NCOA7: variants seen among roughly 807,000 people sequenced by gnomAD.
The protein encoded by NCOA7 is nuclear receptor coactivator 7, also known as 140 kDa estrogen receptor-associated protein.
NCOA7 carries 45 observed loss-of-function variants against 104.3 expected under a neutral mutation model. The observed-to-expected ratio is 0.43, with a 90% CI of 0.34 to 0.55. The LOEUF (loss-of-function observed/expected upper bound fraction) is 0.55, where lower values mean the gene tolerates loss of function less well. Among genes scored for constraint, NCOA7 ranks in the 20% least tolerant of loss-of-function variants. The probability of loss-of-function intolerance (pLI) is 0.02; values close to 1 mark genes in which losing one functional copy is unlikely to be tolerated. For synonymous variants in NCOA7, 398 were observed against 402.3 expected (o/e 0.99, Z 0.13); for missense variants, 1,041 against 1,119.7 (o/e 0.93, Z 1.00).
At chr6:125,886,500 T>C (rs1784274828) in intron 8 of NCOA7, among the ~76,000 whole-genome samples, 1 of 152,230 alleles carries the variant, frequency 6.6e-6, no homozygotes, top group African/African-American at 2.4e-5. Context: ...AATGTGAGAT[T>C]ATGTTTAATG....
In NCOA7 at chr6:125,815,321, T is replaced by G; in HGVS notation, c.-34T>G. Reference sequence around the variant, plus strand: ...CGACTCACTGATTAAAAAGAGGGACTTTTTCAAATACTTTGCACTTTTGAT... The same window carrying G: ...CGACTCACTGATTAAAAAGAGGGACGTTTTCAAATACTTTGCACTTTTGAT... On this transcript the variant is annotated 5_prime_UTR_variant, in exon 2 of 16. Coordinates refer to ENST00000392477, the MANE Select transcript of NCOA7 (RefSeq NM_181782.5). 6.4e-7 allele frequency: 1 copy of G among 1,559,048 alleles called. No homozygotes were observed. The highest frequency in any genetic ancestry group is 2.3e-5 in the East Asian group (1 of 43,832).
chr6:125,831,319 C>T (rs1310946011), intron 2 of NCOA7, among the ~76,000 whole-genome samples: 2 of 152,120 alleles, frequency 1.3e-5, no homozygotes, highest in East Asian at 1.9e-4. Flanking sequence ...CATTTAGAGT[C>T]ACTCATTTTA....
At chr6:125,842,403 T>C (rs1780255027) in intron 2 of NCOA7, among the ~76,000 whole-genome samples, 1 of 152,222 alleles carries the variant, frequency 6.6e-6, no homozygotes, top group Admixed American at 6.6e-5. Flanking sequence ...TCCAGAATTA[T>C]GTCACTGCAA....
At chr6:125,926,288 G>A (rs1222282056) in intron 13 of NCOA7, among the ~76,000 whole-genome samples, 1 of 151,050 alleles carries the variant, frequency 6.6e-6, no homozygotes, top group East Asian at 1.9e-4. Flanking sequence ...CTCCAGCCTG[G>A]GCAACAGAGC....
chr6:125,898,089 A>C (rs1785196450), intron 10 of NCOA7, among the ~76,000 whole-genome samples: 1 of 152,226 alleles, frequency 6.6e-6, no homozygotes, highest in African/African-American at 2.4e-5. Flanking sequence ...ATGACCGATC[A>C]TAGTCAGGAT....
At chr6:125,788,609 C>T (rs989763409), upstream of NCOA7, among the ~76,000 whole-genome samples, 1 of 150,344 alleles carries the variant, frequency 6.7e-6, no homozygotes, top group Non-Finnish European at 1.5e-5. Context: ...AATCTCCGCT[C>T]GCTGCAACCT....
At chr6:125,870,085 C>T (rs967811754) in intron 3 of NCOA7, among the ~76,000 whole-genome samples, 4 of 152,142 alleles carry the variant, frequency 2.6e-5, no homozygotes, top group African/African-American at 7.2e-5. Context: ...TACAGGTAGC[C>T]GCTTATTTGC....
intron 1 of NCOA7, among the ~76,000 whole-genome samples, chr6:125,802,603 C>T (rs1776007112): frequency 6.6e-6 from 1 of 152,186 alleles, no homozygotes; most frequent in Non-Finnish European, 1.5e-5. Flanking sequence ...GGGTCATATA[C>T]TCTGTGTACT....
At chr6:125,830,496 C>T (rs1034257278) in intron 2 of NCOA7, among the ~76,000 whole-genome samples, 2 of 152,104 alleles carry the variant, frequency 1.3e-5, no homozygotes, top group Non-Finnish European at 2.9e-5. Context: ...CAAGACCAGC[C>T]TGGGCAACAT....
At chr6:125,928,051 G>T (rs772438853) in intron 14 of NCOA7, 123 bp from the exon 15 acceptor site, 24 of 949,226 alleles carry the variant, frequency 2.5e-5, no homozygotes, top group African/African-American at 6.6e-5. Flanking sequence ...CTGGCAGTCA[G>T]GAACTTCCTC....
chr6:125,910,336 C>A (rs1489932896), intron 10 of NCOA7, among the ~76,000 whole-genome samples: 3 of 152,188 alleles, frequency 2.0e-5, no homozygotes, highest in Non-Finnish European at 4.4e-5. Context: ...TATGCCCATA[C>A]ATTTTATCCA....
chr6:125,909,742 A>G (rs1786351585), intron 10 of NCOA7, among the ~76,000 whole-genome samples: 1 of 152,026 alleles, frequency 6.6e-6, no homozygotes, highest in Non-Finnish European at 1.5e-5. Context: ...CTCGGGAGGC[A>G]GAGGTTGCAG....
At chr6:125,858,381 C>T (rs1201879695) in intron 3 of NCOA7, among the ~76,000 whole-genome samples, 1 of 152,056 alleles carries the variant, frequency 6.6e-6, no homozygotes, top group Non-Finnish European at 1.5e-5. Flanking sequence ...TGGTTCACAC[C>T]TGTAATCCCA....
intron 10 of NCOA7, among the ~76,000 whole-genome samples, chr6:125,894,376 C>A (rs1041046773): frequency 6.6e-6 from 1 of 152,072 alleles, no homozygotes; most frequent in South Asian, 2.1e-4. Context: ...GGTTGAAAGC[C>A]ACAATAGCTA....
upstream of NCOA7, among the ~76,000 whole-genome samples, chr6:125,787,516 C>G (rs1774528936): frequency 6.6e-6 from 1 of 152,138 alleles, no homozygotes; most frequent in Non-Finnish European, 1.5e-5. Flanking sequence ...CTCTCTTCTT[C>G]CTTTAAGAGA....
At chr6:125,806,617 A>G (rs927965003) in intron 1 of NCOA7, among the ~76,000 whole-genome samples, 1 of 152,110 alleles carries the variant, frequency 6.6e-6, no homozygotes, top group Non-Finnish European at 1.5e-5. Context: ...GGTTGTGGGA[A>G]GGGCGCTACT....
At chr6:125,822,643 A>T (rs888559316) in intron 2 of NCOA7, among the ~76,000 whole-genome samples, 1 of 152,130 alleles carries the variant, frequency 6.6e-6, no homozygotes, top group Non-Finnish European at 1.5e-5. Flanking sequence ...GGATTAGAAC[A>T]TGTTGTTAGG....
At chr6:125,782,723 C>T (rs1243690676) in intron 1 of NCOA7, among the ~76,000 whole-genome samples, 2 of 152,194 alleles carry the variant, frequency 1.3e-5, no homozygotes, top group African/African-American at 2.4e-5. Context: ...TCAGAATGCA[C>T]ATAATTCCAG....
chr6:125,855,017 T>A lies in NCOA7; in HGVS notation c.51-3T>A. The A allele has an allele frequency of 1.3e-6, 2 of 1,595,424 alleles. No individual in the cohort carries two copies. The highest frequency in any genetic ancestry group is 1.7e-6 in the Non-Finnish European group (2 of 1,174,334). Reference sequence around the variant, plus strand: ...TTTTTTCTTTTTTTTCCCTCTTTCCTAGACTGAAAAAGAAAAAACAAGCCA... The same window carrying A: ...TTTTTTCTTTTTTTTCCCTCTTTCCAAGACTGAAAAAGAAAAAACAAGCCA... On this transcript the variant is annotated splice_region_variant and splice_polypyrimidine_tract_variant and intron_variant, in intron 2 of 15. Coordinates refer to ENST00000392477, the MANE Select transcript of NCOA7 (RefSeq NM_181782.5).
Sources: gnomAD v4.1 joint callset for allele counts (sites outside exome capture counted in the v4.1 genomes callset) on GRCh38, gnomAD v4.1.1 for gene constraint, MANE v1.5 for transcripts, NCBI Gene and HGNC (gene_info 2026-07-23, HGNC 2026-07-21) for gene names.